CDH12: variants seen among roughly 807,000 people sequenced by gnomAD.
The protein encoded by CDH12 is cadherin-12.
Under a neutral mutation model 74.1 loss-of-function variants are expected in CDH12, and 41 were observed. The ratio of observed to expected loss-of-function variants is 0.55; its 90% confidence interval spans 0.43 to 0.72. The LOEUF (loss-of-function observed/expected upper bound fraction) is 0.72, where lower values mean the gene tolerates loss of function less well. Ranked by LOEUF, CDH12 falls within the 30% of genes least tolerant of loss-of-function variation. CDH12 has a pLI of 0.00. For synonymous variants in CDH12, 399 were observed against 355.0 expected (o/e 1.12, Z -1.39); for missense variants, 945 against 977.2 (o/e 0.97, Z 0.44).
chr5:21,828,330 C>G (rs1479550203), intron 8 of CDH12, among the ~76,000 whole-genome samples: 1 of 152,120 alleles, frequency 6.6e-6, no homozygotes, highest in Non-Finnish European at 1.5e-5. Context: ...CCATATTGGT[C>G]AGGCTAGTCT....
intron 1 of CDH12, among the ~76,000 whole-genome samples, chr5:22,600,325 TCCACTCTGC>T (rs1201642356): frequency 2.0e-5 from 3 of 152,182 alleles, no homozygotes; most frequent in Admixed American, 6.5e-5. Flanking sequence ...TCCATTTGAT[TCCACTCTGC>T]CCTGAAAGGT....
At chr5:22,350,856 T>TATAGGC (rs1219832279) in intron 3 of CDH12, among the ~76,000 whole-genome samples, 3 of 152,188 alleles carry the variant, frequency 2.0e-5, no homozygotes, top group Non-Finnish European at 4.4e-5. Flanking sequence ...GTGTTATGTT[T>TATAGGC]ATAGGCAAAG....
At chr5:22,283,211 TATATA>T (rs1561281426) in intron 3 of CDH12, among the ~76,000 whole-genome samples, 1 of 87,570 alleles carries the variant, frequency 1.1e-5, no homozygotes, top group Non-Finnish European at 2.1e-5. Flanking sequence ...GTGAGATATA[TATATA>T]GATATATATA....
rs543638530 is a variant in CDH12 at position 22,365,452 on chromosome 5, A to C, written c.-333+39805T>G. Among the ~76,000 whole-genome samples the C allele has an allele frequency of 2.0e-5, 3 of 152,316 alleles. No individual in the cohort carries two copies. In the East Asian group the frequency reaches 5.8e-4, roughly 29 times the overall value. On this transcript the variant is annotated intron_variant, in intron 3 of 14. Transcript: ENST00000382254. ...AGATGCCCAGCTCCTGGCATACACAAGATAAATAAGCTATCTATGTCATTT... is the reference window on the plus strand; with the variant it reads ...AGATGCCCAGCTCCTGGCATACACACGATAAATAAGCTATCTATGTCATTT...
chr5:22,063,241 T>C (rs1365053851), intron 5 of CDH12, among the ~76,000 whole-genome samples: 1 of 152,154 alleles, frequency 6.6e-6, no homozygotes, highest in African/African-American at 2.4e-5. Context: ...TTTAAAAAAC[T>C]GAAATTTTAT....
chr5:22,113,539 C>A (rs1744931437), intron 4 of CDH12, among the ~76,000 whole-genome samples: 1 of 151,998 alleles, frequency 6.6e-6, no homozygotes, highest in Non-Finnish European at 1.5e-5. Context: ...TGAGTTGTCC[C>A]ACCTTTCTGG....
chr5:22,491,621 A>C (rs199544326), intron 2 of CDH12, among the ~76,000 whole-genome samples: 228 of 2,556 alleles, frequency 0.089, 5 homozygotes, highest in African/African-American at 0.13. Flanking sequence ...AAAAAAAAAA[A>C]CAAAAAAAAA....
chr5:22,275,596 C>T (rs1265154193), intron 3 of CDH12, among the ~76,000 whole-genome samples: 1 of 152,064 alleles, frequency 6.6e-6, no homozygotes, highest in South Asian at 2.1e-4. Flanking sequence ...CAGGAGATTT[C>T]AAATAAGGCT....
intron 1 of CDH12, among the ~76,000 whole-genome samples, chr5:22,676,108 C>T (rs1741176245): frequency 6.6e-6 from 1 of 151,674 alleles, no homozygotes; most frequent in South Asian, 2.1e-4. Context: ...CAAATTCACA[C>T]ACTAATAAAA....
At position 22,520,683 on chromosome 5, in the gene CDH12, T is replaced by C. The variant is rs151060544; in HGVS notation, c.-522-15319A>G. ...GTAGCTAATGATGTCAACTAAAGTG[T>C]AAGGAAAGTATCACTCTTCAGTGAT... On this transcript the variant is annotated intron_variant, in intron 1 of 14. Coordinates refer to ENST00000382254, the MANE Select transcript of CDH12 (RefSeq NM_004061.5). Among the ~76,000 whole-genome samples, 363 of 152,238 alleles carry C rather than the reference T, an allele frequency of 2.4e-3. 3 individuals are homozygous for C. The highest frequency in any genetic ancestry group is 8.5e-3 in the African/African-American group (352 of 41,550).
At chr5:22,205,726 T>TA (rs1269356298) in intron 4 of CDH12, among the ~76,000 whole-genome samples, 3 of 152,042 alleles carry the variant, frequency 2.0e-5, no homozygotes, top group Non-Finnish European at 4.4e-5. Context: ...ACTGAGATGT[T>TA]ACCAGAGAAG....
chr5:21,808,724 A>C (rs1747574725), intron 9 of CDH12, among the ~76,000 whole-genome samples: 1 of 152,110 alleles, frequency 6.6e-6, no homozygotes, highest in South Asian at 2.1e-4. Flanking sequence ...TTTTATGATC[A>C]ATATAGTAGT....
At chr5:22,604,895 T>C (rs966009518) in intron 1 of CDH12, among the ~76,000 whole-genome samples, 3 of 152,176 alleles carry the variant, frequency 2.0e-5, no homozygotes, top group African/African-American at 7.2e-5. Flanking sequence ...CCATTGACCC[T>C]AGAGGGCACC....
At chr5:22,045,286 G>A (rs891226313) in intron 5 of CDH12, among the ~76,000 whole-genome samples, 1 of 152,098 alleles carries the variant, frequency 6.6e-6, no homozygotes, top group Non-Finnish European at 1.5e-5. Context: ...AAAGACAATA[G>A]ATAACAAGTG....
intron 3 of CDH12, among the ~76,000 whole-genome samples, chr5:22,368,099 G>A (rs1741109648): frequency 1.3e-5 from 2 of 151,890 alleles, no homozygotes; most frequent in South Asian, 2.1e-4. Flanking sequence ...AAGGCAAATT[G>A]TTTTAGATAT....
At chr5:21,842,029 T>G in intron 8 of CDH12, 132 bp downstream of exon 8, 1 of 725,306 alleles carries the variant, frequency 1.4e-6, no homozygotes, top group Non-Finnish European at 2.3e-6. Context: ...GATTTGTAAT[T>G]TTTAATCCAT....
chr5:22,264,285 A>C (rs1459010707), intron 3 of CDH12, among the ~76,000 whole-genome samples: 1 of 152,004 alleles, frequency 6.6e-6, no homozygotes, highest in East Asian at 1.9e-4. Context: ...ACATACACAA[A>C]CCCATGAATA....
chr5:22,663,898 C>CTTT (rs201933694), intron 1 of CDH12, among the ~76,000 whole-genome samples: 1 of 150,558 alleles, frequency 6.6e-6, no homozygotes, highest in Admixed American at 6.6e-5. Context: ...TTTTTAACCA[C>CTTT]TTTTTTTTTA....
intron 1 of CDH12, among the ~76,000 whole-genome samples, chr5:22,532,368 T>TATATGTATATGTATGTATACATATAC (rs1554047736): frequency 2.6e-4 from 23 of 86,996 alleles, no homozygotes; most frequent in African/African-American, 9.7e-4. Context: ...TATATATATA[T>TATATGTATATGTATGTATACATATAC]ATATATATAT....
Sources: allele counts gnomAD v4.1 joint callset (sites outside exome capture counted in the v4.1 genomes callset), GRCh38; gene constraint gnomAD v4.1.1; transcripts MANE v1.5; gene names NCBI Gene and HGNC (gene_info 2026-07-23, HGNC 2026-07-21).